NPAS3: variants seen among roughly 807,000 people sequenced by gnomAD.
NPAS3 encodes neuronal PAS domain-containing protein 3.
In NPAS3, 14 loss-of-function variants were observed where a neutral mutation model predicts 73.1. The ratio of observed to expected loss-of-function variants is 0.19; its 90% CI spans 0.13 to 0.30. The LOEUF (loss-of-function observed/expected upper bound fraction) is 0.30, where lower values mean the gene tolerates loss of function less well. Among genes scored for constraint, NPAS3 ranks in the 10% least tolerant of loss-of-function variants. The pLI is 1.00. For synonymous variants in NPAS3, 620 were observed against 541.5 expected (o/e 1.14, Z -2.01); for missense variants, 1,096 against 1,250.0 (o/e 0.88, Z 1.86).
At chr14:33,743,509 G>A (rs1373619774) in intron 7 of NPAS3, among the ~76,000 whole-genome samples, 1 of 152,154 alleles carries the variant, frequency 6.6e-6, no homozygotes, top group Non-Finnish European at 1.5e-5. Flanking sequence ...CTAAAGCATA[G>A]ACAGACTAGA....
intron 4 of NPAS3, among the ~76,000 whole-genome samples, chr14:33,468,803 T>C (rs1022469001): frequency 1.3e-5 from 2 of 152,200 alleles, no homozygotes; most frequent in African/African-American, 4.8e-5. Context: ...ACACTTTTTA[T>C]ACAGCAGGAA....
chr14:33,741,916 G>T (rs968496438), intron 7 of NPAS3, among the ~76,000 whole-genome samples: 1 of 152,026 alleles, frequency 6.6e-6, no homozygotes, highest in Non-Finnish European at 1.5e-5. Context: ...AATAACAAAA[G>T]TGATGATCAC....
chr14:33,662,252 G>T (rs2140278623), intron 5 of NPAS3, among the ~76,000 whole-genome samples: 1 of 152,294 alleles, frequency 6.6e-6, no homozygotes, highest in South Asian at 2.1e-4. Flanking sequence ...AGGTTTTGTG[G>T]TTGCCCAGTT....
chr14:33,628,549 T>C (rs2058285963), intron 5 of NPAS3, among the ~76,000 whole-genome samples: 1 of 152,208 alleles, frequency 6.6e-6, no homozygotes, highest in Admixed American at 6.5e-5. Flanking sequence ...TGTTAACACC[T>C]AGTTGCGATG....
intron 4 of NPAS3, among the ~76,000 whole-genome samples, chr14:33,403,326 C>T (rs2047525813): frequency 6.6e-6 from 1 of 151,888 alleles, no homozygotes; most frequent in African/African-American, 2.4e-5. Context: ...ATCTCATTCT[C>T]TGATGCTTAG....
chr14:33,347,965 A>G (rs2044826899), intron 3 of NPAS3, among the ~76,000 whole-genome samples: 1 of 152,118 alleles, frequency 6.6e-6, no homozygotes, highest in South Asian at 2.1e-4. Flanking sequence ...AAGTAAAAGC[A>G]GCACTGGAAA....
At chr14:33,269,902 TA>T (rs1196587513) in intron 3 of NPAS3, among the ~76,000 whole-genome samples, 1 of 152,170 alleles carries the variant, frequency 6.6e-6, no homozygotes, top group African/African-American at 2.4e-5. Flanking sequence ...AAGTGACAAC[TA>T]CCTATACTTT....
intron 4 of NPAS3, among the ~76,000 whole-genome samples, chr14:33,373,346 TTA>T (rs1288458171): frequency 1.3e-5 from 2 of 151,924 alleles, no homozygotes; most frequent in African/African-American, 4.8e-5. Flanking sequence ...TTGTTAAGGT[TTA>T]TGTTTGTATT....
intron 3 of NPAS3, among the ~76,000 whole-genome samples, chr14:33,218,716 A>G (rs1048835561): frequency 1.8e-4 from 27 of 152,232 alleles, no homozygotes; most frequent in African/African-American, 6.0e-4. Context: ...TGAGTTGATC[A>G]TGTTAATAAT....
intron 6 of NPAS3, among the ~76,000 whole-genome samples, chr14:33,710,840 C>T (rs1472478597): frequency 6.6e-6 from 1 of 152,200 alleles, no homozygotes; most frequent in African/African-American, 2.4e-5. Context: ...GAAATTTGAA[C>T]ATATCTTACA....
chr14:32,993,056 A>G (rs952449409), intron 1 of NPAS3, among the ~76,000 whole-genome samples: 3 of 151,738 alleles, frequency 2.0e-5, no homozygotes, highest in Admixed American at 2.0e-4. Context: ...AGGCTGAGGC[A>G]GGAGAATATC....
At chr14:33,369,436 CAT>C (rs1421436576) in intron 4 of NPAS3, among the ~76,000 whole-genome samples, 1 of 93,692 alleles carries the variant, frequency 1.1e-5, no homozygotes. Context: ...AAGGATTAAA[CAT>C]ATTCTGTGTC....
chr14:32,989,848 G>C (rs2038258295), intron 1 of NPAS3, among the ~76,000 whole-genome samples: 1 of 152,198 alleles, frequency 6.6e-6, no homozygotes, highest in Non-Finnish European at 1.5e-5. Flanking sequence ...GTGGAGGAGA[G>C]AGGAAGGAGG....
intron 6 of NPAS3, among the ~76,000 whole-genome samples, chr14:33,710,152 C>A (rs1432493351): frequency 6.6e-6 from 1 of 152,162 alleles, no homozygotes; most frequent in Non-Finnish European, 1.5e-5. Context: ...TAACACAATG[C>A]GACTTGATGT....
chr14:33,784,061 T>C (rs181231655), intron 9 of NPAS3, among the ~76,000 whole-genome samples: 8 of 152,338 alleles, frequency 5.3e-5, no homozygotes, highest in Admixed American at 1.3e-4. Flanking sequence ...GAAGCTGACT[T>C]CTTTACAAAG....
intron 1 of NPAS3, among the ~76,000 whole-genome samples, chr14:33,050,258 G>GT (rs1029604551): frequency 3.3e-5 from 5 of 152,066 alleles, no homozygotes; most frequent in African/African-American, 4.8e-5. Flanking sequence ...GGCCAGTTGG[G>GT]TTTTTTTGTT....
At position 33,726,537 on chromosome 14, in the gene NPAS3, G is replaced by A. The variant is rs573508439; in HGVS notation, c.734-8677G>A. Among the ~76,000 whole-genome samples, 398 of 152,198 alleles carry A rather than the reference G, an allele frequency of 2.6e-3. 1 individual carries two copies. The highest frequency in any genetic ancestry group is 4.6e-3 in the Non-Finnish European group (314 of 68,014). On this transcript the variant is annotated intron_variant, in intron 6 of 11. Transcript: ENST00000356141. The stretch of plus-strand genomic sequence containing the variant: ...TCCATGACTTGGTCTCCTCTGAGAC[G>A]CCACCATGTCAGAGAGGCCCTTGTG...
chr14:33,672,497 G>A (rs2059638876), intron 5 of NPAS3, among the ~76,000 whole-genome samples: 1 of 152,072 alleles, frequency 6.6e-6, no homozygotes, highest in Non-Finnish European at 1.5e-5. Context: ...TGGAAGAGGT[G>A]GTAACAGAAG....
Position 33,800,191 on chromosome 14 carries a change from G to A in NPAS3, c.1884G>A (p.Ala628=), listed in dbSNP as rs767834030. 6.2e-7 allele frequency: 1 copy of A among 1,611,698 alleles called. No individual in the cohort carries two copies. Among genetic ancestry groups the A allele is most frequent in the Admixed American group, 1.7e-5 (1 of 59,890 alleles). ...CGTCGAGCCCAGGCGGCCTGGACGCGGGCCTGGTGGAGCCCCCGCGGCTGC... is the reference window on the plus strand; with the variant it reads ...CGTCGAGCCCAGGCGGCCTGGACGCAGGCCTGGTGGAGCCCCCGCGGCTGC... The change falls in exon 12 of 12, where the codon GCG becomes GCA. Residue 628 remains alanine (A), a synonymous_variant. Coordinates refer to ENST00000356141, the Ensembl canonical transcript of NPAS3. This position sits in a 1 kb window ranked among gnomAD's most constrained non-coding sequence, Gnocchi z 6.5.
Sources: gnomAD v4.1 joint callset for allele counts (sites outside exome capture counted in the v4.1 genomes callset) on GRCh38, gnomAD v4.1.1 for gene constraint, Gnocchi (gnomAD v3.1) non-coding constraint, MANE v1.5 for transcripts, NCBI Gene and HGNC (gene_info 2026-07-23, HGNC 2026-07-21) for gene names.